The following ACER3 variants were observed in gnomAD, a reference collection of about 807,000 sequenced individuals.
ACER3 encodes alkaline ceramidase 3.
ACER3 carries 16 observed loss-of-function variants against 48.9 expected under a neutral mutation model. The ratio of observed to expected loss-of-function variants is 0.33; its 90% CI spans 0.22 to 0.50. The LOEUF (loss-of-function observed/expected upper bound fraction) is 0.50. Among genes scored for constraint, ACER3 ranks in the 20% least tolerant of loss-of-function variants. The pLI is 0.98. For missense variants in ACER3, 227 were observed against 326.0 expected (o/e 0.70, Z 2.34); for synonymous variants, 109 against 107.8 (o/e 1.01, Z -0.07).
intron 1 of ACER3, among the ~76,000 whole-genome samples, chr11:76,883,602 G>A (rs959165540): frequency 1.3e-5 from 2 of 151,870 alleles, no homozygotes; most frequent in African/African-American, 4.8e-5. Flanking sequence ...GTGCTACCAC[G>A]CTTGGCTAAT....
chr11:76,884,420 A>T (rs1321774840), intron 1 of ACER3, among the ~76,000 whole-genome samples: 1 of 151,988 alleles, frequency 6.6e-6, no homozygotes, highest in Non-Finnish European at 1.5e-5. Flanking sequence ...GGGAAAATCC[A>T]GTCCCAAGTT....
At chr11:76,888,769 C>T (rs760922951) in intron 1 of ACER3, among the ~76,000 whole-genome samples, 4 of 152,154 alleles carry the variant, frequency 2.6e-5, no homozygotes, top group Admixed American at 6.5e-5. Flanking sequence ...GTAATGTCAT[C>T]ACATACACAT....
intron 3 of ACER3, 102 bp from the exon 4 acceptor site, chr11:76,976,187 T>G: frequency 2.2e-6 from 2 of 919,426 alleles, no homozygotes; most frequent in Non-Finnish European, 3.4e-6. Flanking sequence ...GTGCCTGGTC[T>G]AAGAGCTGAA....
chr11:76,934,907 G>A (rs1356455), intron 2 of ACER3, among the ~76,000 whole-genome samples: 86,797 of 151,946 alleles, frequency 0.57, 27,986 homozygotes, highest in Non-Finnish European at 0.74. Flanking sequence ...AACCATTTGC[G>A]TGATAGAATT....
intron 1 of ACER3, among the ~76,000 whole-genome samples, chr11:76,895,208 T>G (rs1945899162): frequency 6.6e-6 from 1 of 152,164 alleles, no homozygotes; most frequent in Non-Finnish European, 1.5e-5. Flanking sequence ...ATATACTAAA[T>G]CCCATATGTT....
chr11:76,910,894 C>T (rs1003516075), intron 1 of ACER3, among the ~76,000 whole-genome samples: 1 of 152,150 alleles, frequency 6.6e-6, no homozygotes, highest in East Asian at 1.9e-4. Flanking sequence ...GAACATTATG[C>T]TGCCATCGAA....
intron 2 of ACER3, among the ~76,000 whole-genome samples, chr11:76,939,504 G>A (rs943326501): frequency 1.3e-5 from 2 of 152,206 alleles, no homozygotes; most frequent in African/African-American, 4.8e-5. Flanking sequence ...GCTGAGGCAG[G>A]AGGATTCCTT....
At chr11:76,869,506 A>G (rs1196236896) in intron 1 of ACER3, among the ~76,000 whole-genome samples, 1 of 152,198 alleles carries the variant, frequency 6.6e-6, no homozygotes, top group African/African-American at 2.4e-5. Context: ...CATAAAATTT[A>G]TCTTCTTAAC....
At chr11:76,922,065 C>T (rs998241585) in intron 1 of ACER3, among the ~76,000 whole-genome samples, 2 of 152,080 alleles carry the variant, frequency 1.3e-5, no homozygotes, top group African/African-American at 4.8e-5. Flanking sequence ...CCATTTTTAC[C>T]TCTGAATACT....
At chr11:77,003,737 G>T (rs1350420170) in intron 7 of ACER3, among the ~76,000 whole-genome samples, 5 of 152,004 alleles carry the variant, frequency 3.3e-5, no homozygotes, top group African/African-American at 1.2e-4. Context: ...CTTTTTATAT[G>T]TTGTATTTCA....
At chr11:76,938,974 A>T (rs1947267426) in intron 2 of ACER3, among the ~76,000 whole-genome samples, 1 of 151,946 alleles carries the variant, frequency 6.6e-6, no homozygotes, top group Non-Finnish European at 1.5e-5. Flanking sequence ...AAGTGCTAAA[A>T]AAAATGAAGG....
chr11:76,922,745 G>A (rs1295457287), intron 1 of ACER3, among the ~76,000 whole-genome samples: 2 of 152,014 alleles, frequency 1.3e-5, no homozygotes, highest in Non-Finnish European at 2.9e-5. Flanking sequence ...GTGAGAACTT[G>A]GAATTGTATA....
intron 1 of ACER3, 96 bp downstream of exon 1, chr11:76,861,175 G>C (rs530332453): frequency 1.6e-6 from 2 of 1,247,818 alleles, no homozygotes; most frequent in African/African-American, 1.5e-5. Flanking sequence ...GCCGCGAAGG[G>C]AGGTGCCAGG....
At chr11:76,977,527 AATGTTGGACAAGT>A (rs1948472411) in intron 4 of ACER3, among the ~76,000 whole-genome samples, 1 of 152,224 alleles carries the variant, frequency 6.6e-6, no homozygotes, top group South Asian at 2.1e-4. Context: ...GCCTTCTCTA[AATGTTGGACAAGT>A]ATGTTAAGAA....
At chr11:77,016,823 T>TC in intron 9 of ACER3, 44 bp downstream of exon 9, 1 of 758,848 alleles carries the variant, frequency 1.3e-6, no homozygotes, top group Non-Finnish European at 1.8e-6. Context: ...GAGTTTGTTG[T>TC]TTTTTTTTTT....
In ACER3 at chr11:77,022,425, T is replaced by G. The variant is rs1555024667; in HGVS notation, c.*2098T>G. 1 of 152,148 alleles carries G rather than the reference T, an allele frequency of 6.6e-6. No homozygotes were observed. The highest frequency in any genetic ancestry group is 2.4e-5 in the African/African-American group (1 of 41,436). 9.4% of individuals were successfully genotyped at this position (152,148 alleles called of 1,614,324 possible). ...AAGACTGGCCAATTCTTTGAAGACCTTTTTTTCTGTTGGGAGAATGGAAAG... is the reference window on the plus strand; with the variant it reads ...AAGACTGGCCAATTCTTTGAAGACCGTTTTTTCTGTTGGGAGAATGGAAAG... On this transcript the variant is annotated 3_prime_UTR_variant, in exon 11 of 11. Transcript: ENST00000532485.
At chr11:76,880,534 C>A (rs1306099139) in intron 1 of ACER3, among the ~76,000 whole-genome samples, 1 of 152,178 alleles carries the variant, frequency 6.6e-6, no homozygotes, top group East Asian at 1.9e-4. Flanking sequence ...CAGTCGGAAG[C>A]CCCATGTTGT....
At chr11:76,907,699 G>A (rs1946269782) in intron 1 of ACER3, among the ~76,000 whole-genome samples, 1 of 151,864 alleles carries the variant, frequency 6.6e-6, no homozygotes, top group Non-Finnish European at 1.5e-5. Context: ...GTGAAAGCCA[G>A]TCTCCACCAA....
chr11:76,956,425 A>G (rs1947842094), intron 2 of ACER3, among the ~76,000 whole-genome samples: 1 of 152,204 alleles, frequency 6.6e-6, no homozygotes, highest in African/African-American at 2.4e-5. Flanking sequence ...ACCTCTGAGT[A>G]GCCACCAGAA....
Sources: allele counts gnomAD v4.1 joint callset (sites outside exome capture counted in the v4.1 genomes callset), GRCh38; gene constraint gnomAD v4.1.1; transcripts MANE v1.5; gene names NCBI Gene and HGNC (gene_info 2026-07-23, HGNC 2026-07-21).